Variants in CDH12 observed in about 807,000 individuals in gnomAD.
CDH12 encodes cadherin-12.
Under a neutral mutation model 74.1 loss-of-function variants are expected in CDH12, and 41 were observed. The ratio of observed to expected loss-of-function variants is 0.55; its 90% CI spans 0.43 to 0.72. The LOEUF (loss-of-function observed/expected upper bound fraction) is 0.72, where lower values mean the gene tolerates loss of function less well. CDH12 is among the 30% of genes least tolerant of loss of function. The pLI is 0.00. For synonymous variants in CDH12, 399 were observed against 355.0 expected (o/e 1.12, Z -1.39); for missense variants, 945 against 977.2 (o/e 0.97, Z 0.44).
At chr5:22,563,033 A>G (rs1017017346) in intron 1 of CDH12, among the ~76,000 whole-genome samples, 1 of 147,430 alleles carries the variant, frequency 6.8e-6, no homozygotes, top group East Asian at 2.0e-4. Context: ...TAAATGCATA[A>G]ATTTATATAT....
At chr5:22,562,808 T>A (rs975637955) in intron 1 of CDH12, among the ~76,000 whole-genome samples, 37 of 150,442 alleles carry the variant, frequency 2.5e-4, no homozygotes, top group African/African-American at 8.7e-4. Flanking sequence ...TATTTTATAA[T>A]CTATTATGTT....
intron 8 of CDH12, among the ~76,000 whole-genome samples, chr5:21,835,494 T>A (rs1749481666): frequency 6.6e-6 from 1 of 151,750 alleles, no homozygotes; most frequent in South Asian, 2.1e-4. Flanking sequence ...AGTGTAAAGG[T>A]GTGTTTTTAT....
At chr5:22,498,860 A>T (rs1437931383) in intron 2 of CDH12, among the ~76,000 whole-genome samples, 1 of 150,228 alleles carries the variant, frequency 6.7e-6, no homozygotes, top group African/African-American at 2.4e-5. Context: ...ATAAGTAGAC[A>T]TAGATACAAA....
intron 7 of CDH12, among the ~76,000 whole-genome samples, chr5:21,853,415 C>A (rs7445359): frequency 6.6e-6 from 1 of 151,256 alleles, no homozygotes; most frequent in African/African-American, 2.4e-5. Flanking sequence ...ACTCTACCCT[C>A]TTTTCAGGTT....
At chr5:22,058,938 G>T (rs905780820) in intron 5 of CDH12, among the ~76,000 whole-genome samples, 4 of 152,046 alleles carry the variant, frequency 2.6e-5, no homozygotes, top group Non-Finnish European at 5.9e-5. Context: ...TTAAATAAAA[G>T]AATGCCTCTT....
At chr5:22,228,255 T>C (rs1479808298) in intron 3 of CDH12, among the ~76,000 whole-genome samples, 2 of 152,070 alleles carry the variant, frequency 1.3e-5, no homozygotes, top group South Asian at 2.1e-4. Context: ...TTATAAAACA[T>C]AGATGCAAAT....
At chr5:22,454,735 A>G (rs2126570172) in intron 2 of CDH12, among the ~76,000 whole-genome samples, 1 of 152,262 alleles carries the variant, frequency 6.6e-6, no homozygotes, top group East Asian at 1.9e-4. Context: ...CTAGCCTCCC[A>G]AAGTGATTGG....
chr5:22,249,256 T>C (rs1429258596), intron 3 of CDH12, among the ~76,000 whole-genome samples: 3 of 152,190 alleles, frequency 2.0e-5, no homozygotes, highest in East Asian at 3.8e-4. Flanking sequence ...GTGAATTATC[T>C]GTCAAGGTTA....
rs1754856977 is a variant in CDH12 at position 21,931,906 on chromosome 5, T to G, written c.526+43185A>C. Among the ~76,000 whole-genome samples, 3 of 152,176 alleles carry G rather than the reference T, an allele frequency of 2.0e-5. No individual in the cohort carries two copies. In the South Asian group the frequency reaches 6.2e-4, roughly 31 times the overall value. ...TCAGACATAAAGGTGTCATGGAGAT[T>G]TTTAGAAATAAAAATCATGCTGTTG... On this transcript the variant is annotated intron_variant, in intron 6 of 14. Transcript: ENST00000382254.
intron 1 of CDH12, among the ~76,000 whole-genome samples, chr5:22,851,132 G>A (rs1473704628): frequency 6.6e-6 from 1 of 151,976 alleles, no homozygotes; most frequent in East Asian, 1.9e-4. Flanking sequence ...ACTAAACACT[G>A]TTTGTACTGT....
intron 5 of CDH12, among the ~76,000 whole-genome samples, chr5:22,044,182 A>G (rs1489281957): frequency 6.6e-6 from 1 of 152,210 alleles, no homozygotes; most frequent in Non-Finnish European, 1.5e-5. Flanking sequence ...TGACTTTAAA[A>G]TATACTACAA....
intron 1 of CDH12, among the ~76,000 whole-genome samples, chr5:22,512,308 C>A (rs1408972871): frequency 6.6e-6 from 1 of 152,146 alleles, no homozygotes; most frequent in African/African-American, 2.4e-5. Flanking sequence ...GCTTTGTGTT[C>A]TTCTACCTGA....
intron 1 of CDH12, among the ~76,000 whole-genome samples, chr5:22,755,232 T>C (rs570498157): frequency 9.2e-5 from 14 of 152,218 alleles, no homozygotes; most frequent in Non-Finnish European, 1.6e-4. Flanking sequence ...TTTTCTAATA[T>C]CACTTTTTCA....
intron 3 of CDH12, among the ~76,000 whole-genome samples, chr5:22,293,868 A>C (rs1423014474): frequency 6.6e-6 from 1 of 152,192 alleles, no homozygotes; most frequent in Non-Finnish European, 1.5e-5. Context: ...TGTTGGCGAA[A>C]GGATACAAAA....
At chr5:22,472,615 G>A (rs903843056) in intron 2 of CDH12, among the ~76,000 whole-genome samples, 9 of 151,904 alleles carry the variant, frequency 5.9e-5, no homozygotes, top group Admixed American at 3.3e-4. Flanking sequence ...TGGCTTCTAT[G>A]TTTTTTCTCT....
intron 3 of CDH12, among the ~76,000 whole-genome samples, chr5:22,366,797 G>A (rs183267858): frequency 1.3e-5 from 2 of 152,164 alleles, no homozygotes; most frequent in African/African-American, 2.4e-5. Context: ...GCAAACTACT[G>A]TTGGAGATTA....
intron 1 of CDH12, among the ~76,000 whole-genome samples, chr5:22,815,118 T>A (rs1749323570): frequency 6.6e-6 from 1 of 152,132 alleles, no homozygotes; most frequent in Non-Finnish European, 1.5e-5. Context: ...GGGTATTAGA[T>A]CCTGGAATTA....
intron 8 of CDH12, among the ~76,000 whole-genome samples, chr5:21,831,573 C>G (rs1440198457): frequency 6.6e-6 from 1 of 152,120 alleles, no homozygotes; most frequent in Non-Finnish European, 1.5e-5. Context: ...TTCAGAAAAG[C>G]AGGCTAAGGA....
At chr5:21,761,358 A>G (rs1744707594) in intron 12 of CDH12, among the ~76,000 whole-genome samples, 2 of 152,176 alleles carry the variant, frequency 1.3e-5, no homozygotes, top group Non-Finnish European at 2.9e-5. Flanking sequence ...CTGAGAATCA[A>G]CCTGTGAAAT....
Sources: gnomAD v4.1 joint callset for allele counts (sites outside exome capture counted in the v4.1 genomes callset) on GRCh38, gnomAD v4.1.1 for gene constraint, MANE v1.5 for transcripts, NCBI Gene and HGNC (gene_info 2026-07-23, HGNC 2026-07-21) for gene names.